The following FXN variants were observed in gnomAD, a reference collection of about 807,000 sequenced individuals.
FXN encodes the protein frataxin.
A neutral mutation model predicts 22.4 loss-of-function variants in FXN; 14 were observed. The observed-to-expected ratio is 0.62, with a 90% CI of 0.41 to 0.98. The LOEUF (loss-of-function observed/expected upper bound fraction) is 0.98, where lower values mean the gene tolerates loss of function less well. Ranked by LOEUF, FXN falls within the 50% of genes least tolerant of loss-of-function variation. The pLI, the probability that FXN is intolerant of heterozygous loss-of-function variation, is 0.00. For missense variants in FXN, 267 were observed against 268.4 expected (o/e 0.99, Z 0.04); for synonymous variants, 120 against 114.1 (o/e 1.05, Z -0.33).
At chr9:69,067,557 A>G (rs892924653) in intron 4 of FXN, among the ~76,000 whole-genome samples, 1 of 152,164 alleles carries the variant, frequency 6.6e-6, no homozygotes, top group Admixed American at 6.5e-5. Flanking sequence ...AGAAGTCCCC[A>G]TACTCTCTGT....
In FXN at chr9:69,075,639, G is replaced by A. The variant is rs1252311628; in HGVS notation, c.*2877G>A. The A allele has an allele frequency of 3.0e-6, 3 of 985,244 alleles. No homozygotes were observed. Among genetic ancestry groups the A allele is most frequent in the Non-Finnish European group, 2.4e-6 (2 of 829,918 alleles). The allele number at this position is 985,244 out of a possible 1,614,324, so 61.0% of individuals were successfully genotyped here. On this transcript the variant is annotated 3_prime_UTR_variant, in exon 5 of 5. Transcript: ENST00000484259. ...GGTGTGGTCCAGTCATCCATGTGAA[G>A]GATGAGTTTCCAGGAAAAGGTTATT... is the stretch of plus-strand genomic sequence containing the variant.
intron 1 of FXN, among the ~76,000 whole-genome samples, chr9:69,037,284 A>AAAAAAAGAAG (rs544093183): frequency 6.5e-4 from 51 of 78,048 alleles, no homozygotes; most frequent in African/African-American, 2.2e-3. Context: ...AAAAAAAAAA[A>AAAAAAAGAAG]AAGAAGAAGA....
chr9:69,070,756 T>G (rs1832259157), intron 4 of FXN, among the ~76,000 whole-genome samples: 1 of 152,046 alleles, frequency 6.6e-6, no homozygotes, highest in Non-Finnish European at 1.5e-5. Context: ...CCTTTCACAT[T>G]GGTTCAAAAT....
chr9:69,059,076 A>AG (rs1204133244), intron 3 of FXN, among the ~76,000 whole-genome samples: 3 of 152,124 alleles, frequency 2.0e-5, no homozygotes, highest in Non-Finnish European at 4.4e-5. Context: ...TTAAAAAAAA[A>AG]GAAAAGAAAA....
intron 1 of FXN, among the ~76,000 whole-genome samples, chr9:69,045,208 T>C (rs185666018): frequency 8.6e-5 from 13 of 151,160 alleles, no homozygotes; most frequent in African/African-American, 3.2e-4. Context: ...GCTTGTTGGC[T>C]AGCCTATTGG....
At chr9:69,053,326 A>T (rs1200578658) in intron 3 of FXN, 66 bp downstream of exon 3, 7 of 1,555,002 alleles carry the variant, frequency 4.5e-6, no homozygotes, top group Non-Finnish European at 6.2e-6. Context: ...TAAAATGAAG[A>T]ATTTCCCTCC....
chr9:69,054,596 T>C (rs983552865), intron 3 of FXN, among the ~76,000 whole-genome samples: 1 of 152,078 alleles, frequency 6.6e-6, no homozygotes, highest in African/African-American at 2.4e-5. Context: ...AACCTCTGCC[T>C]CTCGGGTTCA....
intron 4 of FXN, among the ~76,000 whole-genome samples, chr9:69,067,342 G>C (rs1042238193): frequency 6.6e-6 from 1 of 152,274 alleles, no homozygotes. Flanking sequence ...CCGTGTAGCT[G>C]TACCTGCGAA....
chr9:69,037,573 C>T lies in FXN; in HGVS notation c.165+1626C>T, dbSNP rs556602958. On this transcript the variant is annotated intron_variant, in intron 1 of 4. Coordinates refer to ENST00000484259, the MANE Select transcript of FXN (RefSeq NM_000144.5). ...GGTCCTTAGATCTCCTCTAGGAAAG[C>T]AGACATTTATTACTTGGCTTCTGTG... Among the ~76,000 whole-genome samples the T allele has an allele frequency of 2.6e-5, 4 of 152,332 alleles. No individual in the cohort carries two copies. In the East Asian group the frequency reaches 7.7e-4, roughly 29 times the overall value.
chr9:69,073,778 A>T lies in FXN; in HGVS notation c.*1016A>T, dbSNP rs1298099887. 3 of 985,310 alleles carry T rather than the reference A, an allele frequency of 3.0e-6. No homozygotes were observed. The highest frequency in any genetic ancestry group is 2.4e-6 in the Non-Finnish European group (2 of 829,930). 61.0% of individuals were successfully genotyped at this position (985,310 alleles called of 1,614,324 possible). ...TCAAGCAACCTAACAGGCTAGTTCT[A>T]ATTCCCTATTGGGTAGATGAGGGGA... is the stretch of plus-strand genomic sequence containing the variant. On this transcript the variant is annotated 3_prime_UTR_variant, in exon 5 of 5. Coordinates refer to ENST00000484259, the MANE Select transcript of FXN (RefSeq NM_000144.5).
chr9:69,066,714 A>T (rs1832171853), intron 4 of FXN, among the ~76,000 whole-genome samples: 1 of 152,156 alleles, frequency 6.6e-6, no homozygotes, highest in Non-Finnish European at 1.5e-5. Flanking sequence ...CCCCAAAAGA[A>T]CTTTCCCCAT....
intron 4 of FXN, among the ~76,000 whole-genome samples, chr9:69,068,630 C>G (rs1392653605): frequency 6.6e-6 from 1 of 152,200 alleles, no homozygotes; most frequent in Non-Finnish European, 1.5e-5. Context: ...CTATAAATAC[C>G]CTGGGTGACC....
In FXN at chr9:69,078,598, A is replaced by G; in HGVS notation, c.*5836A>G. On this transcript the variant is annotated 3_prime_UTR_variant, in exon 5 of 5. Transcript: ENST00000484259. ...ACTGAACTGTTCAGGCACTGACTCT[A>G]CATATAATTATGCTTTTCTACCCCC... 1 of 985,706 alleles carries G rather than the reference A, an allele frequency of 1.0e-6. No individual in the cohort carries two copies. Among genetic ancestry groups the G allele is most frequent in the Non-Finnish European group, 1.2e-6 (1 of 829,954 alleles). 61.1% of individuals were successfully genotyped at this position (985,706 alleles called of 1,614,324 possible).
At chr9:69,055,250 G>T (rs1003584708) in intron 3 of FXN, among the ~76,000 whole-genome samples, 2 of 152,172 alleles carry the variant, frequency 1.3e-5, no homozygotes, top group African/African-American at 2.4e-5. Context: ...GATCAGAGGT[G>T]GGGGAGTTAA....
At chr9:69,048,269 T>A (rs770547062) in intron 2 of FXN, among the ~76,000 whole-genome samples, 15 of 152,118 alleles carry the variant, frequency 9.9e-5, no homozygotes, top group Non-Finnish European at 5.9e-5. Context: ...CAGGACTGAG[T>A]CCCTTGTTTT....
intron 1 of FXN, chr9:69,043,518 A>G (rs1452789812): frequency 6.6e-6 from 1 of 152,188 alleles, no homozygotes; most frequent in Non-Finnish European, 1.5e-5. Context: ...TCTCTGGCTC[A>G]AGCAATCCTC....
chr9:69,074,521 A>G lies in FXN; in HGVS notation c.*1759A>G. 1.4e-6 allele frequency: 1 copy of G among 727,100 alleles called. No homozygotes were observed. Among genetic ancestry groups the G allele is most frequent in the Non-Finnish European group, 1.6e-6 (1 of 619,468 alleles). 45.0% of individuals were successfully genotyped at this position (727,100 alleles called of 1,614,324 possible). A position where few individuals can be genotyped will look rare whatever the true frequency, so the allele number is the denominator to read the frequency against. On this transcript the variant is annotated 3_prime_UTR_variant, in exon 5 of 5. Transcript: ENST00000484259. ...AGCGACAGAGCGAGACTCCGTCTCAAAAAAAAAAAAAAGGAGGGTTTATTA... is the reference window on the plus strand; with the variant it reads ...AGCGACAGAGCGAGACTCCGTCTCAGAAAAAAAAAAAAGGAGGGTTTATTA...
At chr9:69,045,698 C>T (rs1351420047) in intron 1 of FXN, among the ~76,000 whole-genome samples, 3 of 152,084 alleles carry the variant, frequency 2.0e-5, no homozygotes, top group South Asian at 4.1e-4. Flanking sequence ...AAGAGCAAGG[C>T]CTGGTACCAA....
intron 4 of FXN, among the ~76,000 whole-genome samples, chr9:69,070,691 T>C (rs1381566739): frequency 2.0e-5 from 3 of 152,200 alleles, no homozygotes; most frequent in African/African-American, 4.8e-5. Flanking sequence ...TAAGGCACTA[T>C]TTTTCAAATA....
Sources: gnomAD v4.1 joint callset for allele counts (sites outside exome capture counted in the v4.1 genomes callset) on GRCh38, gnomAD v4.1.1 for gene constraint, MANE v1.5 for transcripts, NCBI Gene and HGNC (gene_info 2026-07-23, HGNC 2026-07-21) for gene names.